The following CAMSAP1 variants were observed in gnomAD, a reference collection of about 807,000 sequenced individuals.
CAMSAP1 encodes calmodulin regulated spectrin associated protein 1, also known as calmodulin-regulated spectrin-associated protein 1.
Under a neutral mutation model 143.5 loss-of-function variants are expected in CAMSAP1, and 58 were observed. The ratio of observed to expected loss-of-function variants is 0.40; its 90% confidence interval spans 0.33 to 0.50. The LOEUF (loss-of-function observed/expected upper bound fraction) is 0.50, where lower values mean the gene tolerates loss of function less well. CAMSAP1 is among the 20% of genes least tolerant of loss of function. The probability of loss-of-function intolerance (pLI) is 0.45; values close to 1 mark genes in which losing one functional copy is unlikely to be tolerated. For synonymous variants in CAMSAP1, 945 were observed against 859.3 expected, an observed-to-expected ratio of 1.10 and a Z score of -1.74; for missense variants, 1,969 against 2,115.7, an observed-to-expected ratio of 0.93 and a Z score of 1.36.
chr9:135,857,267 T>C (rs547299678), intron 5 of CAMSAP1, among the ~76,000 whole-genome samples: 11 of 152,320 alleles, frequency 7.2e-5, no homozygotes, highest in African/African-American at 2.6e-4. Flanking sequence ...CGTAGACTGA[T>C]CCTGATTTTT....
At chr9:135,835,692 T>C (rs992961838) in intron 7 of CAMSAP1, among the ~76,000 whole-genome samples, 4 of 152,184 alleles carry the variant, frequency 2.6e-5, no homozygotes, top group Admixed American at 1.3e-4. Flanking sequence ...AAAAATTATT[T>C]TGATGGCTGG....
At position 135,818,970 on chromosome 9, in the gene CAMSAP1, C is replaced by T. The variant is rs906332682; in HGVS notation, c.3959+40G>A. Reference sequence around the variant, plus strand: ...CCGGGGCCGCCAGGGACCCACCAGGCTCCTGCTCAGTCTGCTTTCCCCCCC... The same window carrying T: ...CCGGGGCCGCCAGGGACCCACCAGGTTCCTGCTCAGTCTGCTTTCCCCCCC... On this transcript the variant is annotated intron_variant, in intron 12 of 16. Transcript: ENST00000389532. This position sits in a 1 kb window ranked among gnomAD's most constrained non-coding sequence, Gnocchi z 7.7. The T allele has an allele frequency of 5.6e-6, 9 of 1,596,258 alleles. No homozygotes were observed. The highest frequency in any genetic ancestry group is 2.7e-5 in the African/African-American group (2 of 74,664).
intron 1 of CAMSAP1, among the ~76,000 whole-genome samples, chr9:135,887,231 C>G (rs1045739900): frequency 6.6e-6 from 1 of 152,168 alleles, no homozygotes; most frequent in African/African-American, 2.4e-5. Context: ...GAACAGAGAA[C>G]GGGGCGGGGC....
In CAMSAP1 at chr9:135,882,770, G is replaced by A. The variant is rs943174413; in HGVS notation, c.423+46C>T. On this transcript the variant is annotated intron_variant, in intron 2 of 16. Transcript: ENST00000389532. This position sits in a 1 kb window ranked among gnomAD's most constrained non-coding sequence, Gnocchi z 4.9. ...CCAGGTGCGCCACACGAGAGCCCAC[G>A]GCTCCAGAGGATGGCCCCTGGGGGC... 1.1e-5 allele frequency: 17 copies of A among 1,525,866 alleles called. No individual in the cohort carries two copies. In the East Asian group the frequency reaches 3.2e-4, roughly 29 times the overall value. The allele number at this position is 1,525,866 out of a possible 1,614,324, so 94.5% of individuals were successfully genotyped here. A position where few individuals can be genotyped will look rare whatever the true frequency, so the allele number is the denominator to read the frequency against.
intron 16 of CAMSAP1, among the ~76,000 whole-genome samples, chr9:135,814,590 C>T (rs866278190): frequency 4.6e-5 from 7 of 152,204 alleles, no homozygotes; most frequent in African/African-American, 1.4e-4. Flanking sequence ...ACACGCTCAG[C>T]GGGTGCGCGC....
Position 135,822,420 on chromosome 9 carries a change from T to A in CAMSAP1, c.2241A>T (p.Glu747Asp). Residue 747 changes from glutamate (E) to aspartate (D), a missense_variant, in exon 11 of 17, where the codon GAA becomes GAT. Glu to Asp is a conservative substitution (Grantham distance 45, BLOSUM62 2). This residue lies in a region of CAMSAP1 where 1,390 missense variants were observed against 1,420.8 expected (regional missense o/e 0.98). Transcript: ENST00000389532. This position sits in a 1 kb window ranked among gnomAD's most constrained non-coding sequence, Gnocchi z 6.1. ...CCTCACCCATGAAATCGTGCTCGGC[T>A]TCCTCTATGTCCACCACATCCGAGT... ...DSDSDVVDIE[E>D]AEHDFMGEAH... 1 of 1,614,042 alleles carries A rather than the reference T, an allele frequency of 6.2e-7. No individual in the cohort carries two copies. The highest frequency in any genetic ancestry group is 1.1e-5 in the South Asian group (1 of 91,088).
chr9:135,821,155 T>C lies in CAMSAP1; in HGVS notation c.3506A>G (p.Tyr1169Cys). Residue 1169 changes from tyrosine (Y) to cysteine (C), a missense_variant, in exon 11 of 17, where the codon TAC becomes TGC. By Grantham distance (194) the Tyr-to-Cys change is radical. Around this residue, in one of 4 missense-constraint regions of CAMSAP1, gnomAD observed 1,390 missense variants for 1,420.8 expected, o/e 0.98. Coordinates refer to ENST00000389532, the MANE Select transcript of CAMSAP1 (RefSeq NM_015447.4). The surrounding 1 kb of genome is among the most constrained non-coding windows in gnomAD (Gnocchi z 4.6). ...CTGATTGCTTTCATCATGGAGCCTG[T>C]AACTGTCGAAGAGACACTTCCCATG... ...DPHGKCLFDS[Y>C]RLHDESNQRT... is the part of the protein sequence containing the mutation. The C allele has an allele frequency of 6.2e-7, 1 of 1,612,172 alleles. No individual in the cohort carries two copies. The highest frequency in any genetic ancestry group is 8.5e-7 in the Non-Finnish European group (1 of 1,179,876).
At chr9:135,896,271 T>C (rs1377907967) in intron 1 of CAMSAP1, among the ~76,000 whole-genome samples, 2 of 151,676 alleles carry the variant, frequency 1.3e-5, no homozygotes, top group South Asian at 2.1e-4. Context: ...ATTAATAAAG[T>C]AGAAAAATTA....
Position 135,882,769 on chromosome 9 carries a change from C to T in CAMSAP1, c.423+47G>A, listed in dbSNP as rs77977538. 7.5e-5 allele frequency: 114 copies of T among 1,524,490 alleles called. No homozygotes were observed. In the South Asian group the frequency reaches 1.2e-3, roughly 16 times the overall value. 94.4% of individuals were successfully genotyped at this position (1,524,490 alleles called of 1,614,324 possible). A position where few individuals can be genotyped will look rare whatever the true frequency, so the allele number is the denominator to read the frequency against. ...ACCAGGTGCGCCACACGAGAGCCCA[C>T]GGCTCCAGAGGATGGCCCCTGGGGG... On this transcript the variant is annotated intron_variant, in intron 2 of 16. Transcript: ENST00000389532. This position sits in a 1 kb window ranked among gnomAD's most constrained non-coding sequence, Gnocchi z 4.9.
At chr9:135,890,143 C>G (rs980410266) in intron 1 of CAMSAP1, among the ~76,000 whole-genome samples, 1 of 152,088 alleles carries the variant, frequency 6.6e-6, no homozygotes, top group Non-Finnish European at 1.5e-5. Flanking sequence ...CAGCTCACAC[C>G]CGCAGAGGCT....
chr9:135,820,188 T>C lies in CAMSAP1; in HGVS notation c.3822+651A>G, dbSNP rs1452726037. Among the ~76,000 whole-genome samples the C allele has an allele frequency of 6.6e-6, 1 of 152,150 alleles. No homozygotes were observed. The highest frequency in any genetic ancestry group is 1.5e-5 in the Non-Finnish European group (1 of 68,028). On this transcript the variant is annotated intron_variant, in intron 11 of 16. Transcript: ENST00000389532. The surrounding 1 kb of genome is among the most constrained non-coding windows in gnomAD (Gnocchi z 4.4). ...CAGCACATTACTGTACCCAATACTG[T>C]AAGTAACTGTGTATCAAAATCTATC...
rs1235824671 is a variant in CAMSAP1 at position 135,882,880 on chromosome 9, T to C, written c.359A>G (p.Tyr120Cys). The change falls in exon 2 of 17, where the codon TAT (tyrosine) becomes TGT (cysteine). Residue 120 changes from tyrosine to cysteine, a missense_variant. Physicochemically the swap from Tyr to Cys is radical, Grantham distance 194. Transcript: ENST00000389532. This position sits in a 1 kb window ranked among gnomAD's most constrained non-coding sequence, Gnocchi z 4.9. Reference sequence around the variant, plus strand: ...GGGGGTGTCATCACTCTCCATCACATAGATCCCTTTCCGGGACAGGGCCTG... The same window carrying C: ...GGGGGTGTCATCACTCTCCATCACACAGATCCCTTTCCGGGACAGGGCCTG... ...VIQALSRKGI[Y>C]VMESDDTPVT... 6.4e-6 allele frequency: 10 copies of C among 1,551,426 alleles called. No individual in the cohort carries two copies. Among genetic ancestry groups the C allele is most frequent in the East Asian group, 2.4e-5 (1 of 40,914 alleles).
chr9:135,846,072 CAAAAAAAAAAAAA>C (rs71384025), intron 7 of CAMSAP1, among the ~76,000 whole-genome samples: 3 of 79,908 alleles, frequency 3.8e-5, no homozygotes, highest in Non-Finnish European at 4.7e-5. Flanking sequence ...CAACCCTAAG[CAAAAAAAAAAAAA>C]AAAAAAAACG....
chr9:135,883,729 C>T (rs148681616), intron 1 of CAMSAP1, among the ~76,000 whole-genome samples: 30 of 152,314 alleles, frequency 2.0e-4, no homozygotes, highest in Non-Finnish European at 2.5e-4. Context: ...ACATGAACCA[C>T]GCTACTTAAT....
At chr9:135,838,430 TACAG>T (rs1366163597) in intron 7 of CAMSAP1, among the ~76,000 whole-genome samples, 19 of 144,292 alleles carry the variant, frequency 1.3e-4, no homozygotes, top group Admixed American at 1.1e-3. Flanking sequence ...CCACCCGTTC[TACAG>T]ACACACATCA....
rs1428097977 is a variant in CAMSAP1 at position 135,810,059 on chromosome 9, G to C, written c.*1250C>G. 1.3e-5 allele frequency: 2 copies of C among 152,628 alleles called. No individual in the cohort carries two copies. Among genetic ancestry groups the C allele is most frequent in the Non-Finnish European group, 2.9e-5 (2 of 68,032 alleles). The allele number at this position is 152,628 out of a possible 1,614,324, so 9.5% of individuals were successfully genotyped here. A position where few individuals can be genotyped will look rare whatever the true frequency, so the allele number is the denominator to read the frequency against. Reference sequence around the variant, plus strand: ...TGCAAAACTAATGTTAGTGGCTCCAGAATCTTCCGGCAGCTGGTCAGTTGC... The same window carrying C: ...TGCAAAACTAATGTTAGTGGCTCCACAATCTTCCGGCAGCTGGTCAGTTGC... On this transcript the variant is annotated 3_prime_UTR_variant, in exon 17 of 17. Coordinates refer to ENST00000389532, the MANE Select transcript of CAMSAP1 (RefSeq NM_015447.4).
At chr9:135,838,963 C>T (rs991210907) in intron 7 of CAMSAP1, among the ~76,000 whole-genome samples, 42 of 151,416 alleles carry the variant, frequency 2.8e-4, no homozygotes, top group African/African-American at 9.7e-4. Flanking sequence ...ACTTTATATC[C>T]GTTCTGCAGA....
intron 7 of CAMSAP1, among the ~76,000 whole-genome samples, chr9:135,830,908 C>T (rs1693733256): frequency 6.6e-6 from 1 of 152,184 alleles, no homozygotes; most frequent in African/African-American, 2.4e-5. Flanking sequence ...CAGTGGCTCA[C>T]GCCTGTAATC....
At chr9:135,869,286 T>C (rs961334843) in intron 3 of CAMSAP1, among the ~76,000 whole-genome samples, 6 of 151,966 alleles carry the variant, frequency 3.9e-5, no homozygotes, top group Non-Finnish European at 7.4e-5. Context: ...ATGGAGCTCT[T>C]GAGCTCAGGA....
Sources: allele counts gnomAD v4.1 joint callset (sites outside exome capture counted in the v4.1 genomes callset), GRCh38; gene constraint gnomAD v4.1.1; regional missense constraint gnomAD v4.1.1; non-coding constraint Gnocchi (gnomAD v3.1); transcripts MANE v1.5; gene names NCBI Gene and HGNC (gene_info 2026-07-23, HGNC 2026-07-21).